Variants in VAT1L observed in about 807,000 individuals in gnomAD.
The protein encoded by VAT1L is putative NADPH-dependent quinone oxidoreductase VAT1L.
In VAT1L, 34 loss-of-function variants were observed where a neutral mutation model predicts 44.1. The observed-to-expected ratio is 0.77, with a 90% CI of 0.59 to 1.03. The LOEUF (loss-of-function observed/expected upper bound fraction) is 1.03. Among genes scored for constraint, VAT1L ranks in the 50% least tolerant of loss-of-function variants. The pLI, the probability that VAT1L is intolerant of heterozygous loss-of-function variation, is 0.00. For synonymous variants in VAT1L, 253 were observed against 202.2 expected (o/e 1.25, Z -2.13); for missense variants, 615 against 538.8 (o/e 1.14, Z -1.40).
intron 7 of VAT1L, among the ~76,000 whole-genome samples, chr16:77,902,972 G>GAAAAAAAAAAAAAAAA (rs11307214): frequency 7.3e-5 from 7 of 96,366 alleles, no homozygotes; most frequent in African/African-American, 1.2e-4. Context: ...GACTCTGTCT[G>GAAAAAAAAAAAAAAAA]AAAAAAAAAA....
chr16:77,889,711 A>T (rs1048748927), intron 7 of VAT1L, among the ~76,000 whole-genome samples: 1 of 152,392 alleles, frequency 6.6e-6, no homozygotes, highest in African/African-American at 2.4e-5. Flanking sequence ...TCTATAAAAC[A>T]ATTAGACAAT....
At chr16:77,804,136 T>C (rs1375459998) in intron 1 of VAT1L, among the ~76,000 whole-genome samples, 1 of 152,172 alleles carries the variant, frequency 6.6e-6, no homozygotes, top group Non-Finnish European at 1.5e-5. Flanking sequence ...GAGGGGTCTG[T>C]TGAATTTCAA....
Position 77,971,860 on chromosome 16 carries a change from C to A in VAT1L, c.1088C>A (p.Ala363Asp). Residue 363 changes from alanine (A) to aspartate (D), a missense_variant, in exon 8 of 9, where the codon GCC becomes GAC. Ala to Asp is a moderately radical substitution (Grantham distance 126). Coordinates refer to ENST00000302536, the MANE Select transcript of VAT1L (RefSeq NM_020927.3). Reference sequence around the variant, plus strand: ...CACCTTTTCGCGCAGGTGAAGGAGGCCATGCAGCGGATTCACGACCGAGGG... The same window carrying A: ...CACCTTTTCGCGCAGGTGAAGGAGGACATGCAGCGGATTCACGACCGAGGG... ...SLWALEEVKE[A>D]MQRIHDRGNI... 1 of 1,613,542 alleles carries A rather than the reference C, an allele frequency of 6.2e-7. No homozygotes were observed. Among genetic ancestry groups the A allele is most frequent in the Non-Finnish European group, 8.5e-7 (1 of 1,179,728 alleles).
chr16:77,792,109 T>G (rs1205580780), intron 1 of VAT1L, among the ~76,000 whole-genome samples: 1 of 152,142 alleles, frequency 6.6e-6, no homozygotes, highest in African/African-American at 2.4e-5. Context: ...ATGAACTTCA[T>G]GGTATTGTTG....
intron 7 of VAT1L, among the ~76,000 whole-genome samples, chr16:77,948,320 G>C (rs368497553): frequency 2.6e-5 from 4 of 152,264 alleles, no homozygotes; most frequent in African/African-American, 9.6e-5. Context: ...GATTGAAAGG[G>C]TACACTTGTC....
Position 77,801,767 on chromosome 16 carries a change from C to T in VAT1L, c.233+12852C>T, listed in dbSNP as rs576472586. ...TCTAGGATCAGAAAGAAATGCCTTT[C>T]ATTTATCTACGCTACGCCTAGTTCA... is the stretch of plus-strand genomic sequence containing the variant. On this transcript the variant is annotated intron_variant, in intron 1 of 8. Coordinates refer to ENST00000302536, the MANE Select transcript of VAT1L (RefSeq NM_020927.3). 13 of 150,188 alleles carry T rather than the reference C, an allele frequency of 8.7e-5. No individual in the cohort carries two copies. The East Asian group carries it at 2.4e-3, about 27-fold the overall frequency. The allele number at this position is 150,188 out of a possible 1,614,324, so 9.3% of individuals were successfully genotyped here. A position where few individuals can be genotyped will look rare whatever the true frequency, so the allele number is the denominator to read the frequency against.
At chr16:77,965,640 G>A (rs2018215031) in intron 7 of VAT1L, among the ~76,000 whole-genome samples, 2 of 152,158 alleles carry the variant, frequency 1.3e-5, no homozygotes, top group South Asian at 4.1e-4. Context: ...TGGCATCCCA[G>A]ACTGGGTGTG....
At chr16:77,853,212 G>T (rs1696196648) in intron 3 of VAT1L, among the ~76,000 whole-genome samples, 1 of 152,158 alleles carries the variant, frequency 6.6e-6, no homozygotes, top group African/African-American at 2.4e-5. Flanking sequence ...CTGCTAATGG[G>T]GATGGGGGCT....
intron 7 of VAT1L, among the ~76,000 whole-genome samples, chr16:77,951,617 A>G (rs1379067685): frequency 6.6e-6 from 1 of 152,166 alleles, no homozygotes; most frequent in Non-Finnish European, 1.5e-5. Context: ...AAACAAAACT[A>G]TAATGCCTGG....
At chr16:77,822,838 G>A (rs992866126) in intron 2 of VAT1L, among the ~76,000 whole-genome samples, 25 of 152,164 alleles carry the variant, frequency 1.6e-4, no homozygotes, top group African/African-American at 6.0e-4. Flanking sequence ...CACTGGGGCA[G>A]AGCAATTTGA....
At chr16:77,919,132 G>A (rs763265862) in intron 7 of VAT1L, among the ~76,000 whole-genome samples, 2 of 151,924 alleles carry the variant, frequency 1.3e-5, no homozygotes, top group Admixed American at 1.3e-4. Flanking sequence ...GGGTGTGTGT[G>A]TGTGCATGTG....
At chr16:77,907,256 C>T (rs2017447436) in intron 7 of VAT1L, among the ~76,000 whole-genome samples, 1 of 152,214 alleles carries the variant, frequency 6.6e-6, no homozygotes, top group African/African-American at 2.4e-5. Flanking sequence ...ATTCCCTGGA[C>T]TCCAGTTCCA....
chr16:77,968,501 G>A (rs777682607), intron 7 of VAT1L, among the ~76,000 whole-genome samples: 6 of 152,086 alleles, frequency 3.9e-5, no homozygotes, highest in African/African-American at 1.2e-4. Context: ...CAAGGCAGGC[G>A]GATCACAAAG....
intron 7 of VAT1L, among the ~76,000 whole-genome samples, chr16:77,915,632 G>A (rs1020232918): frequency 1.3e-5 from 2 of 152,192 alleles, no homozygotes; most frequent in Non-Finnish European, 2.9e-5. Context: ...CATAAGGAAA[G>A]GCCTAGAGGC....
chr16:77,915,649 C>G (rs971047706), intron 7 of VAT1L, among the ~76,000 whole-genome samples: 2 of 152,134 alleles, frequency 1.3e-5, no homozygotes, highest in Non-Finnish European at 2.9e-5. Context: ...AGGCAGGAGG[C>G]CCTGTTGTTG....
intron 4 of VAT1L, among the ~76,000 whole-genome samples, chr16:77,875,181 G>A (rs971989839): frequency 6.6e-6 from 1 of 152,176 alleles, no homozygotes; most frequent in Non-Finnish European, 1.5e-5. Flanking sequence ...AGCCTTGGTA[G>A]TGGGCTGGAT....
chr16:77,870,178 T>G (rs537234332), intron 4 of VAT1L, among the ~76,000 whole-genome samples: 3 of 152,298 alleles, frequency 2.0e-5, no homozygotes, highest in African/African-American at 7.2e-5. Context: ...TGCTTGGCAC[T>G]CTGTAAGAAG....
intron 7 of VAT1L, among the ~76,000 whole-genome samples, chr16:77,956,029 A>G (rs2018100187): frequency 6.6e-6 from 1 of 152,178 alleles, no homozygotes; most frequent in Non-Finnish European, 1.5e-5. Flanking sequence ...TGGGGTGACT[A>G]TAGTCAACAG....
At chr16:77,841,407 G>T (rs2434853) in intron 3 of VAT1L, among the ~76,000 whole-genome samples, 6 of 152,268 alleles carry the variant, frequency 3.9e-5, no homozygotes, top group East Asian at 3.9e-4. Context: ...TATGAGCATT[G>T]AGAAATGTTC....
Sources: gnomAD v4.1 joint callset for allele counts (sites outside exome capture counted in the v4.1 genomes callset) on GRCh38, gnomAD v4.1.1 for gene constraint, MANE v1.5 for transcripts, NCBI Gene and HGNC (gene_info 2026-07-23, HGNC 2026-07-21) for gene names.